SLC9A7: variants seen among roughly 807,000 people sequenced by gnomAD.
SLC9A7 encodes the protein sodium/hydrogen exchanger 7.
In SLC9A7, 19 loss-of-function variants were observed where a neutral mutation model predicts 52.6. The observed-to-expected ratio is 0.36, with a 90% CI of 0.25 to 0.53. The LOEUF (loss-of-function observed/expected upper bound fraction) is 0.53, where lower values mean the gene tolerates loss of function less well. Among genes scored for constraint, SLC9A7 ranks in the 20% least tolerant of loss-of-function variants. The pLI is 0.91. For synonymous variants in SLC9A7, 226 were observed against 252.1 expected (o/e 0.90, Z 0.98); for missense variants, 455 against 597.9 (o/e 0.76, Z 2.49).
chrX:46,660,000 T>C (rs1309554278), intron 7 of SLC9A7, among the ~76,000 whole-genome samples: 1 of 110,641 alleles, frequency 9.0e-6, no homozygotes, highest in Non-Finnish European at 1.9e-5. Flanking sequence ...CAAAACAGCA[T>C]GATACTGGTA....
intron 1 of SLC9A7, among the ~76,000 whole-genome samples, chrX:46,691,506 C>G (rs1944380722): frequency 8.9e-6 from 1 of 111,962 alleles, no homozygotes; most frequent in Non-Finnish European, 1.9e-5. Flanking sequence ...GCACAAAGTA[C>G]CTCTCTGCTG....
At chrX:46,725,444 G>A (rs1219093142) in intron 1 of SLC9A7, 11 of 1,100,043 alleles carry the variant, frequency 1.0e-5, no homozygotes, top group Middle Eastern at 2.4e-4. Context: ...CAATCTGGTC[G>A]ATTTTCACTT....
chrX:46,649,094 C>T, intron 10 of SLC9A7, among the ~76,000 whole-genome samples: 1 of 111,445 alleles, frequency 9.0e-6, no homozygotes, highest in Middle Eastern at 4.7e-3. Flanking sequence ...ATCTATCTAT[C>T]TATCCATCTA....
intron 15 of SLC9A7, among the ~76,000 whole-genome samples, chrX:46,617,135 C>CT (rs1208558532): frequency 9.0e-6 from 1 of 110,515 alleles, no homozygotes; most frequent in African/African-American, 3.3e-5. Flanking sequence ...AATTATTGGA[C>CT]TTTTTTTTTC....
chrX:46,738,839 G>A (rs897102583), intron 1 of SLC9A7, among the ~76,000 whole-genome samples: 1 of 109,938 alleles, frequency 9.1e-6, no homozygotes, highest in African/African-American at 3.3e-5. Flanking sequence ...TACCCACCCC[G>A]GGCACAGTTT....
At chrX:46,634,709 A>G (rs769900922) in intron 13 of SLC9A7, among the ~76,000 whole-genome samples, 9 of 112,197 alleles carry the variant, frequency 8.0e-5, no homozygotes, top group Non-Finnish European at 1.7e-4. Flanking sequence ...GTGTGATTTC[A>G]GTGAGCTTAA....
chrX:46,735,036 G>A (rs1945099356), intron 1 of SLC9A7, among the ~76,000 whole-genome samples: 1 of 111,691 alleles, frequency 9.0e-6, no homozygotes, highest in Non-Finnish European at 1.9e-5. Context: ...TATATTTAAA[G>A]TGGGCTTTTT....
intron 7 of SLC9A7, among the ~76,000 whole-genome samples, chrX:46,656,397 G>A (rs1443681614): frequency 0.014 from 787 of 56,092 alleles, no homozygotes; most frequent in African/African-American, 0.022. Flanking sequence ...GCTGAGAGAA[G>A]AAGGCTTCAG....
chrX:46,616,711 G>T (rs1942959741), intron 15 of SLC9A7, among the ~76,000 whole-genome samples: 1 of 111,257 alleles, frequency 9.0e-6, no homozygotes, highest in South Asian at 3.7e-4. Context: ...TCTTATTTTT[G>T]ATTGACAGTT....
intron 8 of SLC9A7, among the ~76,000 whole-genome samples, chrX:46,653,390 G>A (rs1943615493): frequency 9.0e-6 from 1 of 111,441 alleles, no homozygotes; most frequent in African/African-American, 3.3e-5. Context: ...GCAAGACCCT[G>A]TCTCTAAAAA....
chrX:46,733,705 T>C (rs955500135), intron 1 of SLC9A7, among the ~76,000 whole-genome samples: 1 of 110,950 alleles, frequency 9.0e-6, no homozygotes, highest in Non-Finnish European at 1.9e-5. Flanking sequence ...AAGATGACTA[T>C]TGTAATCCCT....
At chrX:46,661,892 T>C in intron 7 of SLC9A7, 124 bp downstream of exon 7, 1 of 599,233 alleles carries the variant, frequency 1.7e-6, no homozygotes, top group Non-Finnish European at 2.5e-6. Flanking sequence ...TCAGGAGCCA[T>C]CATGCCCCAG....
intron 2 of SLC9A7, among the ~76,000 whole-genome samples, chrX:46,680,824 T>C (rs1484956599): frequency 1.8e-5 from 2 of 112,169 alleles, no homozygotes; most frequent in Non-Finnish European, 3.8e-5. Flanking sequence ...AAACTGGAGG[T>C]GTTAATCAGC....
chrX:46,682,089 C>T (rs972795434), intron 2 of SLC9A7, among the ~76,000 whole-genome samples: 1 of 111,770 alleles, frequency 8.9e-6, no homozygotes, highest in African/African-American at 3.3e-5. Context: ...ATCCATTGCA[C>T]AATCAGTGGC....
At chrX:46,744,490 T>C (rs1316669422) in intron 1 of SLC9A7, among the ~76,000 whole-genome samples, 1 of 112,097 alleles carries the variant, frequency 8.9e-6, no homozygotes, top group African/African-American at 3.2e-5. Flanking sequence ...AAATGTGTCT[T>C]TACCTAAAAT....
intron 14 of SLC9A7, among the ~76,000 whole-genome samples, chrX:46,630,986 A>G (rs1320995474): frequency 8.9e-6 from 1 of 112,605 alleles, no homozygotes; most frequent in Non-Finnish European, 1.9e-5. Flanking sequence ...CATTCCTGTC[A>G]GAAGTCCTTG....
chrX:46,683,074 G>C (rs1369142832), intron 1 of SLC9A7, among the ~76,000 whole-genome samples: 5 of 105,692 alleles, frequency 4.7e-5, no homozygotes, highest in Non-Finnish European at 7.7e-5. Context: ...GCTTCCCAAA[G>C]TGCTGGGATT....
At chrX:46,712,544 C>T (rs1009833540) in intron 1 of SLC9A7, among the ~76,000 whole-genome samples, 5 of 111,701 alleles carry the variant, frequency 4.5e-5, no homozygotes, top group East Asian at 2.8e-4. Context: ...CATGAGAGGT[C>T]ACATTTCAAC....
chrX:46,681,851 C>T (rs1944214455), intron 2 of SLC9A7, among the ~76,000 whole-genome samples: 1 of 112,437 alleles, frequency 8.9e-6, no homozygotes, highest in Non-Finnish European at 1.9e-5. Context: ...CATTAAGCCT[C>T]TGGCATCAAT....
Sources: gnomAD v4.1 joint callset for allele counts (sites outside exome capture counted in the v4.1 genomes callset) on GRCh38, gnomAD v4.1.1 for gene constraint, MANE v1.5 for transcripts, NCBI Gene and HGNC (gene_info 2026-07-23, HGNC 2026-07-21) for gene names.